Variants in EXOC2 observed in about 807,000 individuals in gnomAD.
EXOC2 encodes exocyst complex component 2.
EXOC2 carries 70 observed loss-of-function variants against 131.8 expected under a neutral mutation model. The observed-to-expected ratio is 0.53, with a 90% CI of 0.44 to 0.65. The LOEUF is 0.65. EXOC2 is among the 30% of genes least tolerant of loss of function. The pLI is 0.00. For synonymous variants in EXOC2, 411 were observed against 398.4 expected (o/e 1.03, Z -0.38); for missense variants, 923 against 1,108.6 (o/e 0.83, Z 2.38).
intron 22 of EXOC2, among the ~76,000 whole-genome samples, chr6:535,474 A>G (rs1173972062): frequency 6.6e-6 from 1 of 152,232 alleles, no homozygotes; most frequent in Non-Finnish European, 1.5e-5. Flanking sequence ...TATTGCCAAG[A>G]ACAGAAATGA....
chr6:615,207 G>GTGTGTA (rs1268568995), intron 6 of EXOC2, among the ~76,000 whole-genome samples: 4 of 149,512 alleles, frequency 2.7e-5, no homozygotes, highest in African/African-American at 7.3e-5. Flanking sequence ...GTGTGTGTGT[G>GTGTGTA]TGTATGTATG....
intron 19 of EXOC2, 39 bp from the exon 20 acceptor site, chr6:555,327 G>C (rs1757361531): frequency 1.5e-6 from 2 of 1,306,382 alleles, no homozygotes; most frequent in Middle Eastern, 3.8e-4. Flanking sequence ...TCAGAGGAAT[G>C]AACTCCTAGA....
chr6:668,634 C>T (rs1204762131), intron 1 of EXOC2, among the ~76,000 whole-genome samples: 1 of 152,180 alleles, frequency 6.6e-6, no homozygotes, highest in Non-Finnish European at 1.5e-5. Context: ...CCCATGTATA[C>T]TTATCTCTAC....
intron 22 of EXOC2, among the ~76,000 whole-genome samples, chr6:539,329 A>G (rs1766662268): frequency 6.6e-6 from 1 of 152,354 alleles, no homozygotes; most frequent in African/African-American, 2.4e-5. Context: ...TACTCCCAAT[A>G]AGCCAGCGCC....
Position 501,241 on chromosome 6 carries a change from T to G in EXOC2, c.2381-1541A>C, listed in dbSNP as rs1407543184. ...TATATATCTATATATATTATATATA[T>G]CTATATATATTATATATATCTATAT... On this transcript the variant is annotated intron_variant, in intron 23 of 27. Transcript: ENST00000230449. 2.9e-3 allele frequency among the ~76,000 whole-genome samples: 8 copies of G among 2,806 alleles called. 1 individual carries two copies. Among genetic ancestry groups the G allele is most frequent in the African/African-American group, 0.01 (7 of 696 alleles). The allele number at this position is 2,806 out of a possible 152,430, so 1.8% of individuals were successfully genotyped here.
intron 1 of EXOC2, among the ~76,000 whole-genome samples, chr6:683,611 G>A: frequency 6.6e-6 from 1 of 152,238 alleles, no homozygotes. Context: ...CATTAAAACT[G>A]TTAAACATGA....
chr6:558,954 A>C (rs1338689259), intron 17 of EXOC2, among the ~76,000 whole-genome samples: 1 of 152,218 alleles, frequency 6.6e-6, no homozygotes, highest in African/African-American at 2.4e-5. Context: ...TAGAAACAGA[A>C]TACTAGAAAG....
chr6:607,651 T>C (rs1485639514), intron 7 of EXOC2, among the ~76,000 whole-genome samples: 9 of 152,260 alleles, frequency 5.9e-5, no homozygotes, highest in Non-Finnish European at 1.0e-4. Context: ...ACATTGGAAG[T>C]GCTCAGTAGC....
Position 617,933 on chromosome 6 carries a change from T to G in EXOC2, c.537-98A>C, listed in dbSNP as rs539466153. ...AGAACACTAAATATGCTAAAACCGA[T>G]GCTAAGTAGCACACAGATTAATATC... On this transcript the variant is annotated intron_variant, in intron 5 of 27. Transcript: ENST00000230449. The G allele has an allele frequency of 2.9e-6, 4 of 1,372,620 alleles. No individual in the cohort carries two copies. The African/African-American group carries it at 5.8e-5, about 20-fold the overall frequency. The allele number at this position is 1,372,620 out of a possible 1,614,324, so 85.0% of individuals were successfully genotyped here.
At chr6:582,241 A>AT (rs35523446) in intron 11 of EXOC2, among the ~76,000 whole-genome samples, 5,996 of 151,660 alleles carry the variant, frequency 0.04, 150 homozygotes, top group African/African-American at 0.065. Context: ...AATAGTCGGT[A>AT]TTTTTTTTTT....
intron 4 of EXOC2, among the ~76,000 whole-genome samples, chr6:622,953 T>C (rs1761367641): frequency 6.6e-6 from 1 of 152,238 alleles, no homozygotes; most frequent in Non-Finnish European, 1.5e-5. Flanking sequence ...TGATGTCTAG[T>C]GGAGGGCTCC....
chr6:500,395 G>C (rs1157711285), intron 23 of EXOC2, among the ~76,000 whole-genome samples: 1 of 152,200 alleles, frequency 6.6e-6, no homozygotes, highest in Non-Finnish European at 1.5e-5. Context: ...CAGGATTTAA[G>C]AATGTGGGGT....
intron 22 of EXOC2, among the ~76,000 whole-genome samples, chr6:535,620 C>G (rs767833161): frequency 6.6e-6 from 1 of 152,122 alleles, no homozygotes; most frequent in Non-Finnish European, 1.5e-5. Context: ...AAAACTGGCA[C>G]AAGTAGTCCT....
Position 544,386 on chromosome 6 carries a change from A to C in EXOC2, c.2238+4789T>G, listed in dbSNP as rs1756718284. On this transcript the variant is annotated intron_variant, in intron 22 of 27. Coordinates refer to ENST00000230449, the MANE Select transcript of EXOC2 (RefSeq NM_018303.6). ...TCTTTCCCTTCCTGTTTGAACAAGA[A>C]ACTCAAGGCAGCCAAATAGGGTCAA... Among the ~76,000 whole-genome samples the C allele has an allele frequency of 1.3e-5, 2 of 152,198 alleles. 1 individual carries two copies. The highest frequency in any genetic ancestry group is 4.1e-4 in the South Asian group (2 of 4,828).
At chr6:613,287 C>T (rs1296153581) in intron 6 of EXOC2, among the ~76,000 whole-genome samples, 1 of 152,002 alleles carries the variant, frequency 6.6e-6, no homozygotes, top group Non-Finnish European at 1.5e-5. Flanking sequence ...TGTGGGGACA[C>T]ACAGGAAGAA....
intron 25 of EXOC2, among the ~76,000 whole-genome samples, chr6:492,720 T>C (rs762577614): frequency 1.4e-4 from 21 of 152,156 alleles, no homozygotes; most frequent in South Asian, 6.2e-4. Flanking sequence ...AGAAAGCCAA[T>C]TGGTAGTTGT....
Position 549,213 on chromosome 6 carries a change from C to T in EXOC2, c.2200G>A (p.Glu734Lys). ...TCTATTCCCTGGAAGTTGTGCTTTTCAAAATGTTCTGCGATATTTAGGAAG... is the reference window on the plus strand; with the variant it reads ...TCTATTCCCTGGAAGTTGTGCTTTTTAAAATGTTCTGCGATATTTAGGAAG... ...HTFLNIAEHF[E>K]KHNFQGIEKI... is the part of the protein sequence containing the mutation. Residue 734 changes from glutamate (E) to lysine (K), a missense_variant, in exon 22 of 28, where the codon GAA becomes AAA. By Grantham distance (56) the Glu-to-Lys change is moderately conservative. Transcript: ENST00000230449. The T allele has an allele frequency of 1.2e-6, 2 of 1,614,114 alleles. No individual in the cohort carries two copies. Among genetic ancestry groups the T allele is most frequent in the Non-Finnish European group, 1.7e-6 (2 of 1,180,014 alleles).
intron 22 of EXOC2, among the ~76,000 whole-genome samples, chr6:546,933 A>G (rs543738443): frequency 6.6e-6 from 1 of 152,364 alleles, no homozygotes; most frequent in African/African-American, 2.4e-5. Context: ...CAACTGTATT[A>G]TCATGAGACC....
At chr6:537,856 C>T (rs764203254) in intron 22 of EXOC2, among the ~76,000 whole-genome samples, 7 of 152,160 alleles carry the variant, frequency 4.6e-5, no homozygotes, top group East Asian at 3.8e-4. Context: ...TGGAACTCCA[C>T]GTAAAGTTCT....
Sources: allele counts gnomAD v4.1 joint callset (sites outside exome capture counted in the v4.1 genomes callset), GRCh38; gene constraint gnomAD v4.1.1; transcripts MANE v1.5; gene names NCBI Gene and HGNC (gene_info 2026-07-23, HGNC 2026-07-21).